PRKCA: variants seen among roughly 807,000 people sequenced by gnomAD.
PRKCA encodes the protein protein kinase C alpha.
In PRKCA, 27 loss-of-function variants were observed where a neutral mutation model predicts 87.0. That is an observed-to-expected ratio of 0.31 (90% CI 0.23 to 0.43). The LOEUF (loss-of-function observed/expected upper bound fraction) is 0.43, where lower values mean the gene tolerates loss of function less well. PRKCA is among the 20% of genes least tolerant of loss of function. The probability of loss-of-function intolerance (pLI) is 1.00; values close to 1 mark genes in which losing one functional copy is unlikely to be tolerated. For synonymous variants in PRKCA, 329 were observed against 311.1 expected, an observed-to-expected ratio of 1.06 and a Z score of -0.61; for missense variants, 518 against 852.3, an observed-to-expected ratio of 0.61 and a Z score of 4.88.
chr17:66,352,916 T>C (rs1002388015), intron 2 of PRKCA, among the ~76,000 whole-genome samples: 1 of 152,160 alleles, frequency 6.6e-6, no homozygotes, highest in Non-Finnish European at 1.5e-5. Flanking sequence ...GAATGGTATA[T>C]GAAGGGTGTT....
chr17:66,664,717 G>A (rs188546714), intron 5 of PRKCA, among the ~76,000 whole-genome samples: 6 of 131,666 alleles, frequency 4.6e-5, no homozygotes, highest in Non-Finnish European at 6.1e-5. Context: ...GCAGTGTTGC[G>A]ATCATAGCTC....
chr17:66,379,950 AT>A (rs924941584), intron 2 of PRKCA, among the ~76,000 whole-genome samples: 4 of 152,142 alleles, frequency 2.6e-5, no homozygotes, highest in African/African-American at 9.7e-5. Context: ...TAAAAAAAAA[AT>A]AGCCTTGATT....
rs189703751 is a variant in PRKCA, at chr17:66,483,161, G to A, written c.206-13040G>A. ...TCATTTGCTTTCCAAAAACCACCTTGTTGCATGTATTAGTTTGTTAGGGCT... is the reference window on the plus strand; with the variant it reads ...TCATTTGCTTTCCAAAAACCACCTTATTGCATGTATTAGTTTGTTAGGGCT... On this transcript the variant is annotated intron_variant, in intron 2 of 16. Transcript: ENST00000413366. Among the ~76,000 whole-genome samples, 357 of 152,240 alleles carry A rather than the reference G, an allele frequency of 2.3e-3. 2 individuals are homozygous for A. The highest frequency in any genetic ancestry group is 8.0e-3 in the African/African-American group (331 of 41,562).
chr17:66,660,574 A>G (rs949231323), intron 5 of PRKCA, among the ~76,000 whole-genome samples: 2 of 151,992 alleles, frequency 1.3e-5, no homozygotes, highest in African/African-American at 4.8e-5. Context: ...TATGGCTACT[A>G]TGTAGGGTCT....
intron 3 of PRKCA, among the ~76,000 whole-genome samples, chr17:66,544,652 G>T (rs961885763): frequency 6.6e-6 from 1 of 152,018 alleles, no homozygotes; most frequent in Non-Finnish European, 1.5e-5. Context: ...GAGTACTGTG[G>T]CATGATCTCA....
intron 5 of PRKCA, among the ~76,000 whole-genome samples, chr17:66,683,611 G>A (rs1223566155): frequency 7.2e-5 from 11 of 152,020 alleles, no homozygotes; most frequent in Admixed American, 5.9e-4. Flanking sequence ...TTTTTGGGGG[G>A]GTCGGGGGGA....
At chr17:66,705,081 CAAAA>C (rs958762095) in intron 8 of PRKCA, among the ~76,000 whole-genome samples, 1 of 152,014 alleles carries the variant, frequency 6.6e-6, no homozygotes, top group African/African-American at 2.4e-5. Flanking sequence ...AGACACAAAA[CAAAA>C]AAATCTATGT....
intron 3 of PRKCA, among the ~76,000 whole-genome samples, chr17:66,534,983 C>T (rs901527804): frequency 2.0e-5 from 3 of 152,140 alleles, no homozygotes; most frequent in African/African-American, 7.2e-5. Context: ...CCGCCACCAC[C>T]GTAAGTAATA....
intron 2 of PRKCA, among the ~76,000 whole-genome samples, chr17:66,447,511 G>A (rs228884): frequency 0.36 from 55,096 of 151,986 alleles, 10,576 homozygotes; most frequent in Middle Eastern, 0.5. Flanking sequence ...ATGTGGGATG[G>A]CGTTTTCTTG....
intron 8 of PRKCA, among the ~76,000 whole-genome samples, chr17:66,720,794 C>G (rs945666033): frequency 6.6e-6 from 1 of 152,182 alleles, no homozygotes; most frequent in Admixed American, 6.5e-5. Flanking sequence ...GGTTGGTCAT[C>G]GTTGGCCTGT....
intron 2 of PRKCA, among the ~76,000 whole-genome samples, chr17:66,329,140 G>T (rs1906171494): frequency 6.6e-6 from 1 of 152,144 alleles, no homozygotes; most frequent in Non-Finnish European, 1.5e-5. Context: ...CCAGAGATGT[G>T]GTGGAGGACA....
intron 3 of PRKCA, among the ~76,000 whole-genome samples, chr17:66,623,328 C>T (rs914765740): frequency 1.3e-5 from 2 of 152,100 alleles, no homozygotes; most frequent in Admixed American, 6.6e-5. Context: ...TACACATCAG[C>T]GGGCAATAGA....
Position 66,389,978 on chromosome 17 carries a change from C to T in PRKCA, c.205+83851C>T, listed in dbSNP as rs146551728. 7.1e-3 allele frequency among the ~76,000 whole-genome samples: 1,080 copies of T among 152,364 alleles called. 20 individuals carry two copies. The highest frequency in any genetic ancestry group is 0.025 in the African/African-American group (1,039 of 41,588). On this transcript the variant is annotated intron_variant, in intron 2 of 16. Coordinates refer to ENST00000413366, the MANE Select transcript of PRKCA (RefSeq NM_002737.3). ...GTGGCTCACGCCTGTAATCCCAGCA[C>T]TTTGGGAGGCCAAGGCGGGTGGATC...
At chr17:66,715,408 C>T (rs182927868) in intron 8 of PRKCA, among the ~76,000 whole-genome samples, 9 of 152,256 alleles carry the variant, frequency 5.9e-5, no homozygotes, top group African/African-American at 2.2e-4. Context: ...TTTTCCAGGT[C>T]GTTCTTTGTT....
At chr17:66,786,746 C>T in intron 14 of PRKCA, 121 bp from the exon 15 acceptor site, 1 of 667,610 alleles carries the variant, frequency 1.5e-6, no homozygotes, top group Non-Finnish European at 2.6e-6. Flanking sequence ...GCAAACTGTG[C>T]AGCCTGTGGT....
At chr17:66,351,421 C>T (rs937332279) in intron 2 of PRKCA, among the ~76,000 whole-genome samples, 1 of 152,312 alleles carries the variant, frequency 6.6e-6, no homozygotes. Context: ...GAGACTCTTT[C>T]CTCAGTTTGA....
chr17:66,680,514 C>A (rs1972460546), intron 5 of PRKCA, among the ~76,000 whole-genome samples: 1 of 152,154 alleles, frequency 6.6e-6, no homozygotes, highest in African/African-American at 2.4e-5. Context: ...CAAAACAGAT[C>A]ATTTGGAGGG....
At chr17:66,603,824 G>C (rs1970126525) in intron 3 of PRKCA, among the ~76,000 whole-genome samples, 2 of 152,098 alleles carry the variant, frequency 1.3e-5, no homozygotes, top group Non-Finnish European at 2.9e-5. Context: ...CTATGAATCT[G>C]ACTGCTCCAG....
At chr17:66,662,278 TA>T (rs1971927259) in intron 5 of PRKCA, among the ~76,000 whole-genome samples, 1 of 152,216 alleles carries the variant, frequency 6.6e-6, no homozygotes, top group Admixed American at 6.5e-5. Flanking sequence ...GCCCACCTTG[TA>T]AGTCCTCATG....
Sources: gnomAD v4.1 joint callset for allele counts (sites outside exome capture counted in the v4.1 genomes callset) on GRCh38, gnomAD v4.1.1 for gene constraint, MANE v1.5 for transcripts, NCBI Gene and HGNC (gene_info 2026-07-23, HGNC 2026-07-21) for gene names.